RNF213: variants seen among roughly 807,000 people sequenced by gnomAD.
The protein encoded by RNF213 is E3 ubiquitin-protein ligase RNF213.
In RNF213, 341 loss-of-function variants were observed where a neutral mutation model predicts 514.4. The observed-to-expected ratio is 0.66, with a 90% confidence interval of 0.61 to 0.73. The LOEUF (loss-of-function observed/expected upper bound fraction) is 0.73, where lower values mean the gene tolerates loss of function less well. RNF213 is among the 30% of genes least tolerant of loss of function. The probability of loss-of-function intolerance (pLI) is 0.00; values close to 1 mark genes in which losing one functional copy is unlikely to be tolerated. For synonymous variants in RNF213, 2,655 were observed against 2,658.2 expected, an observed-to-expected ratio of 1.00 and a Z score of 0.04; for missense variants, 5,767 against 6,615.6, an observed-to-expected ratio of 0.87 and a Z score of 4.45.
chr17:80,384,932 A>G (rs2080172872), intron 59 of RNF213, 107 bp from the exon 60 acceptor site: 1 of 1,171,498 alleles, frequency 8.5e-7, no homozygotes, highest in African/African-American at 1.5e-5. Context: ...GACACTGACC[A>G]GATTAAGCTA....
chr17:80,380,711 G>A, intron 55 of RNF213, 120 bp from the exon 56 acceptor site: 3 of 1,174,138 alleles, frequency 2.6e-6, no homozygotes, highest in African/African-American at 1.5e-5. Context: ...TTGTGGAACA[G>A]CAAGTACTCT....
intron 3 of RNF213, among the ~76,000 whole-genome samples, chr17:80,276,626 G>A (rs890061571): frequency 2.0e-5 from 3 of 151,284 alleles, no homozygotes; most frequent in Non-Finnish European, 2.9e-5. Flanking sequence ...GAGAGAGAAG[G>A]AAGGAAGGAA....
intron 49 of RNF213, 92 bp downstream of exon 49, chr17:80,373,257 C>A (rs1274038465): frequency 1.1e-5 from 11 of 996,204 alleles, no homozygotes; most frequent in Non-Finnish European, 1.6e-5. Flanking sequence ...ACACCCTACC[C>A]CCCCCACACC....
In RNF213 at chr17:80,343,179, T is replaced by C. The variant is rs914672101; in HGVS notation, c.6037T>C (p.Leu2013=). 10 of 1,613,886 alleles carry C rather than the reference T, an allele frequency of 6.2e-6. No individual in the cohort carries two copies. In the African/African-American group the frequency reaches 1.2e-4, roughly 19 times the overall value. ...KRLHDKMKMQ[L]NVKNVPLKTI... Reference sequence around the variant, plus strand: ...GTTGCACGACAAAATGAAGATGCAGTTAAACGTGAAAAATGTGCCTCTGAA... The same window carrying C: ...GTTGCACGACAAAATGAAGATGCAGCTAAACGTGAAAAATGTGCCTCTGAA... Residue 2013 remains leucine, a synonymous_variant, in exon 27 of 68, where the codon TTA becomes CTA. Coordinates refer to ENST00000582970, the MANE Select transcript of RNF213 (RefSeq NM_001256071.3). This position sits in a 1 kb window ranked among gnomAD's most constrained non-coding sequence, Gnocchi z 4.3.
At chr17:80,362,004 CAG>C in intron 39 of RNF213, 116 bp downstream of exon 39, 1 of 1,254,618 alleles carries the variant, frequency 8.0e-7, no homozygotes, top group Non-Finnish European at 1.1e-6. Context: ...AGTCTGGGAA[CAG>C]AACATGGTCA....
At position 80,337,561 on chromosome 17, in the gene RNF213, G is replaced by A. The variant is rs149326553; in HGVS notation, c.4528-25G>A. On this transcript the variant is annotated intron_variant, in intron 23 of 67. Coordinates refer to ENST00000582970, the MANE Select transcript of RNF213 (RefSeq NM_001256071.3). ...AAGATCCTCGCTCCAACCGTGGCCC[G>A]TGTTCTCTCCTTTTGTCCCCATAGT... The A allele has an allele frequency of 3.5e-5, 54 of 1,535,894 alleles. No homozygotes were observed. The Admixed American group carries it at 4.1e-4, about 12-fold the overall frequency.
intron 11 of RNF213, 83 bp downstream of exon 11, chr17:80,298,601 G>A: frequency 7.1e-7 from 1 of 1,403,426 alleles, no homozygotes; most frequent in Middle Eastern, 1.8e-4. Context: ...GGTGGGCTCT[G>A]CAGTGACTCC....
chr17:80,380,811 T>G lies in RNF213; in HGVS notation c.13641-20T>G. Reference sequence around the variant, plus strand: ...GCGGCCAGCCTCAGCCTCTGTCTTGTGTTCTCTCGTTCTTTCCAGAGACAA... The same window carrying G: ...GCGGCCAGCCTCAGCCTCTGTCTTGGGTTCTCTCGTTCTTTCCAGAGACAA... On this transcript the variant is annotated intron_variant, in intron 55 of 67. Coordinates refer to ENST00000582970, the MANE Select transcript of RNF213 (RefSeq NM_001256071.3). 6.2e-7 allele frequency: 1 copy of G among 1,614,118 alleles called. No individual in the cohort carries two copies. The highest frequency in any genetic ancestry group is 8.5e-7 in the Non-Finnish European group (1 of 1,179,996).
At chr17:80,378,471 TTGAGA>T (rs989173167) in intron 54 of RNF213, among the ~76,000 whole-genome samples, 3 of 152,294 alleles carry the variant, frequency 2.0e-5, no homozygotes, top group East Asian at 1.9e-4. Flanking sequence ...ACTTACTTGG[TTGAGA>T]TATGTCTGGC....
rs1250862410 is a variant in RNF213, at chr17:80,374,501, T to A, written c.12986T>A (p.Val4329Glu). The A allele has an allele frequency of 6.2e-7, 1 of 1,614,206 alleles. No homozygotes were observed. The highest frequency in any genetic ancestry group is 8.5e-7 in the Non-Finnish European group (1 of 1,180,026). The change falls in exon 50 of 68, where the codon GTG becomes GAG. Residue 4329 changes from valine to glutamate, a missense_variant. By Grantham distance (121) the Val-to-Glu change is moderately radical. Transcript: ENST00000582970. ...CCAGGCCAGATGGATAGGTACCTGG[T>A]GTACGGCGATGAATACAAGGCTCTC... Reference protein sequence around the residue: ...DHPGQMDRYLVYGDEYKALRD... With the variant: ...DHPGQMDRYLEYGDEYKALRD...
intron 50 of RNF213, among the ~76,000 whole-genome samples, 170 bp from the exon 51 acceptor site, chr17:80,375,590 C>G (rs1286253548): frequency 6.6e-6 from 1 of 151,976 alleles, no homozygotes; most frequent in Admixed American, 6.6e-5. Context: ...CCTGTAGTCC[C>G]AGCTACTCGG....
chr17:80,359,949 G>A, intron 37 of RNF213, 112 bp from the exon 38 acceptor site: 4 of 1,089,134 alleles, frequency 3.7e-6, no homozygotes, highest in South Asian at 1.3e-5. Flanking sequence ...CTGGCCTGTT[G>A]GCCCCTTTGT....
In RNF213 at chr17:80,347,299, T is replaced by C; in HGVS notation, c.8964T>C (p.Ser2988=). The C allele has an allele frequency of 6.2e-7, 1 of 1,613,972 alleles. No individual in the cohort carries two copies. Among genetic ancestry groups the C allele is most frequent in the Non-Finnish European group, 8.5e-7 (1 of 1,179,996 alleles). Residue 2988 remains serine, a synonymous_variant, in exon 29 of 68, where the codon AGT becomes AGC. Coordinates refer to ENST00000582970, the MANE Select transcript of RNF213 (RefSeq NM_001256071.3). This position sits in a 1 kb window ranked among gnomAD's most constrained non-coding sequence, Gnocchi z 7.2. The stretch of plus-strand genomic sequence containing the variant: ...CACAGGCTGTCCTTAGGAACTTCAG[T>C]GGCAAGGATGACATCCAAGCTTTGG... ...DIAQAVLRNF[S]GKDDIQALDI...
Position 80,295,851 on chromosome 17 carries a change from T to C in RNF213, c.2012+38T>C, listed in dbSNP as rs190111205. 61 of 1,608,994 alleles carry C rather than the reference T, an allele frequency of 3.8e-5. No homozygotes were observed. The East Asian group carries it at 1.1e-3, about 29-fold the overall frequency. ...TTTGTCAAAATGTTTTTTATAGCTATTATAATGATTTTCTCTGATTGCAAA... is the reference window on the plus strand; with the variant it reads ...TTTGTCAAAATGTTTTTTATAGCTACTATAATGATTTTCTCTGATTGCAAA... On this transcript the variant is annotated intron_variant, in intron 10 of 67. Coordinates refer to ENST00000582970, the MANE Select transcript of RNF213 (RefSeq NM_001256071.3).
rs767758584 is a variant in RNF213 at position 80,381,689 on chromosome 17, G to A, written c.13940G>A (p.Arg4647His). ...ATCGGCGTGGTCCACCTCGTCCTGC[G>A]CAGGCTTCTCCAAGAGCAGCACCAG... The part of the protein sequence containing the change: ...ETIGVVHLVL[R>H]RLLQEQHQLS... The change falls in exon 57 of 68, where the codon CGC (arginine) becomes CAC (histidine). Residue 4647 changes from arginine (R) to histidine (H), a missense_variant. Coordinates refer to ENST00000582970, the MANE Select transcript of RNF213 (RefSeq NM_001256071.3). 9 of 1,614,036 alleles carry A rather than the reference G, an allele frequency of 5.6e-6. No homozygotes were observed. The highest frequency in any genetic ancestry group is 2.2e-5 in the South Asian group (2 of 91,072).
Position 80,369,780 on chromosome 17 carries a change from A to G in RNF213, c.12338A>G (p.His4113Arg), listed in dbSNP as rs1328587145. Residue 4113 changes from histidine to arginine, a missense_variant, in exon 46 of 68, where the codon CAC (histidine) becomes CGC (arginine). Physicochemically the swap from His to Arg is conservative, Grantham distance 29. This residue lies in a region of RNF213 where 12 missense variants were observed against 34.6 expected (regional missense o/e 0.35). Transcript: ENST00000582970. ...TTTCTGGTTTAAGGACACTGTGAAC[A>G]CACAAAATCTCTCTCTCCATTCAAT... ...LRDAAQRHCE[H>R]TKSLSPFNDV... 6.2e-7 allele frequency: 1 copy of G among 1,613,746 alleles called. No homozygotes were observed. Among genetic ancestry groups the G allele is most frequent in the African/African-American group, 1.3e-5 (1 of 74,928 alleles).
At chr17:80,281,583 AC>A (rs2143078808) in intron 3 of RNF213, among the ~76,000 whole-genome samples, 1 of 44,256 alleles carries the variant, frequency 2.3e-5, no homozygotes, top group Non-Finnish European at 5.1e-5. Flanking sequence ...CACACCACTC[AC>A]ACACTGCCAA....
Position 80,385,143 on chromosome 17 carries a change from C to CA in RNF213, c.14428dup (p.Arg4810LysfsTer35). On this transcript the variant is annotated frameshift_variant, in exon 60 of 68. Transcript: ENST00000582970. LOFTEE classifies it high-confidence loss of function. ...TCCAGCAAGTTGAATACAGCTCCATCAGAGGCTTCCTCAGCAAGCACAGCT... is the reference window on the plus strand; with the variant it reads ...TCCAGCAAGTTGAATACAGCTCCATCAAGAGGCTTCCTCAGCAAGCACAGCT... The CA allele has an allele frequency of 6.2e-7, 1 of 1,614,206 alleles. No individual in the cohort carries two copies. Among genetic ancestry groups the CA allele is most frequent in the Non-Finnish European group, 8.5e-7 (1 of 1,180,022 alleles).
At position 80,353,800 on chromosome 17, in the gene RNF213, T is replaced by C. The variant is rs2078624806; in HGVS notation, c.10578+134T>C. Reference sequence around the variant, plus strand: ...GGGTGAGGATGGCGCCCCACTTTCCTCACACAGTGACGGTCTTGTTGCTGG... The same window carrying C: ...GGGTGAGGATGGCGCCCCACTTTCCCCACACAGTGACGGTCTTGTTGCTGG... On this transcript the variant is annotated intron_variant, in intron 34 of 67. Coordinates refer to ENST00000582970, the MANE Select transcript of RNF213 (RefSeq NM_001256071.3). The surrounding 1 kb of genome is among the most constrained non-coding windows in gnomAD (Gnocchi z 5.0). 7.6e-7 allele frequency: 1 copy of C among 1,315,118 alleles called. No individual in the cohort carries two copies. The allele number at this position is 1,315,118 out of a possible 1,614,324, so 81.5% of individuals were successfully genotyped here.
Sources: gnomAD v4.1 joint callset for allele counts (sites outside exome capture counted in the v4.1 genomes callset) on GRCh38, gnomAD v4.1.1 for gene constraint, gnomAD v4.1.1 regional missense constraint, Gnocchi (gnomAD v3.1) non-coding constraint, MANE v1.5 for transcripts, NCBI Gene and HGNC (gene_info 2026-07-23, HGNC 2026-07-21) for gene names.